The following MCFD2 variants were observed in gnomAD, a reference collection of about 807,000 sequenced individuals.
The protein encoded by MCFD2 is multiple coagulation factor deficiency protein 2.
A neutral mutation model predicts 12.8 loss-of-function variants in MCFD2; 11 were observed. The ratio of observed to expected loss-of-function variants is 0.86; its 90% CI spans 0.54 to 1.42. MCFD2 has a LOEUF of 1.42. Among genes scored for constraint, MCFD2 ranks in the 40% most tolerant of loss-of-function variants. The pLI is 0.00. For missense variants in MCFD2, 191 were observed against 178.6 expected (o/e 1.07, Z -0.40); for synonymous variants, 70 against 68.1 (o/e 1.03, Z -0.14).
At chr2:46,928,990 C>CT (rs1471708269) in intron 1 of MCFD2, among the ~76,000 whole-genome samples, 1 of 152,070 alleles carries the variant, frequency 6.6e-6, no homozygotes, top group Non-Finnish European at 1.5e-5. Flanking sequence ...TGGCAAAACT[C>CT]TGTCTCTACT....
At position 46,907,856 on chromosome 2, in the gene MCFD2, A is replaced by C. The variant is rs775513362; in HGVS notation, c.263T>G (p.Leu88Arg). The C allele has an allele frequency of 1.4e-5, 22 of 1,614,246 alleles. 1 individual carries two copies. Among genetic ancestry groups the C allele is most frequent in the Non-Finnish European group, 1.9e-5 (22 of 1,180,042 alleles). The change falls in exon 3 of 4, where the codon CTT (leucine) becomes CGT (arginine). Residue 88 changes from leucine to arginine, a missense_variant. By Grantham distance (102) the Leu-to-Arg change is moderately radical. Coordinates refer to ENST00000319466, the MANE Select transcript of MCFD2 (RefSeq NM_139279.6). The surrounding 1 kb of genome is among the most constrained non-coding windows in gnomAD (Gnocchi z 4.1). ...KMHDYDGNNLLDGLELSTAIT... is the reference protein window; with the variant it reads ...KMHDYDGNNLRDGLELSTAIT... ...GGCTGTGGAGAGTTCTAAGCCATCA[A>C]GCAAATTATTGCCATCATAATCATG... is the stretch of plus-strand genomic sequence containing the variant.
At chr2:46,933,242 G>C (rs1669804714) in intron 1 of MCFD2, among the ~76,000 whole-genome samples, 1 of 152,184 alleles carries the variant, frequency 6.6e-6, no homozygotes, top group South Asian at 2.1e-4. Flanking sequence ...AAGGGACTGG[G>C]ATGGTGGGAG....
chr2:46,937,678 T>C lies in MCFD2; in HGVS notation c.-8+3894A>G, dbSNP rs1483060691. Among the ~76,000 whole-genome samples, 1 of 152,204 alleles carries C rather than the reference T, an allele frequency of 6.6e-6. No individual in the cohort carries two copies. Among genetic ancestry groups the C allele is most frequent in the Non-Finnish European group, 1.5e-5 (1 of 68,046 alleles). Reference sequence around the variant, plus strand: ...GTCTTGAATTCCTGGACTCAAGTGATTCTCCCACCTCCTTCTCCCAAAGTG... The same window carrying C: ...GTCTTGAATTCCTGGACTCAAGTGACTCTCCCACCTCCTTCTCCCAAAGTG... On this transcript the variant is annotated intron_variant, in intron 1 of 2. Coordinates refer to the MCFD2 transcript ENST00000409147. This position sits in a 1 kb window ranked among gnomAD's most constrained non-coding sequence, Gnocchi z 4.0.
intron 3 of MCFD2, among the ~76,000 whole-genome samples, chr2:46,906,614 C>T (rs921969401): frequency 1.3e-5 from 2 of 151,542 alleles, no homozygotes; most frequent in Admixed American, 6.6e-5. Flanking sequence ...CCTCCCACCC[C>T]GTCACCCCAG....
chr2:46,936,134 T>C (rs898318823), intron 1 of MCFD2, among the ~76,000 whole-genome samples: 2 of 152,206 alleles, frequency 1.3e-5, no homozygotes, highest in Non-Finnish European at 2.9e-5. Flanking sequence ...TTTGCTTATT[T>C]AGCTTCCCAA....
At position 46,941,578 on chromosome 2, in the gene MCFD2, G is replaced by A; in HGVS notation, c.-14C>T. 6.4e-7 allele frequency: 1 copy of A among 1,557,734 alleles called. No homozygotes were observed. Among genetic ancestry groups the A allele is most frequent in the Admixed American group, 1.9e-5 (1 of 52,134 alleles). On this transcript the variant is annotated 5_prime_UTR_variant, in exon 1 of 3. Transcript: ENST00000409147. The surrounding 1 kb of genome is among the most constrained non-coding windows in gnomAD (Gnocchi z 4.2). Reference sequence around the variant, plus strand: ...GGGCGCGCACGGCTCCTACCTGAAGGTGGAGAGCGAGCTGGAGCGCTGCCG... The same window carrying A: ...GGGCGCGCACGGCTCCTACCTGAAGATGGAGAGCGAGCTGGAGCGCTGCCG...
At chr2:46,905,976 A>G (rs1156669606) in intron 3 of MCFD2, 1 of 473,902 alleles carries the variant, frequency 2.1e-6, no homozygotes, top group Non-Finnish European at 4.4e-6. Flanking sequence ...TCTGTGCACA[A>G]ATTTGCCTGA....
intron 1 of MCFD2, among the ~76,000 whole-genome samples, chr2:46,929,529 A>G (rs942111935): frequency 6.6e-6 from 1 of 152,184 alleles, no homozygotes; most frequent in Admixed American, 6.5e-5. Flanking sequence ...TCTAAATAAC[A>G]TGTAGGTCAA....
chr2:46,905,945 C>A, intron 3 of MCFD2: 1 of 478,266 alleles, frequency 2.1e-6, no homozygotes, highest in South Asian at 1.5e-5. Flanking sequence ...TGGAAAAGTG[C>A]CAGTCCTCCT....
chr2:46,905,880 C>A (rs983649478), intron 3 of MCFD2: 2 of 531,272 alleles, frequency 3.8e-6, no homozygotes, highest in Non-Finnish European at 3.7e-6. Context: ...TAAAAGAAGG[C>A]CCTTCAAAAT....
At chr2:46,912,442 A>T (rs1035605527) in intron 1 of MCFD2, 5 of 152,284 alleles carry the variant, frequency 3.3e-5, no homozygotes, top group Admixed American at 3.3e-4. Context: ...TGCCTAGGCC[A>T]TAGCAGAACA....
At chr2:46,923,487 A>G (rs7601491) in intron 1 of MCFD2, among the ~76,000 whole-genome samples, 43,118 of 152,140 alleles carry the variant, frequency 0.28, 8,505 homozygotes, top group African/African-American at 0.56. Context: ...ATATTTCACA[A>G]TATCACAGAA....
chr2:46,908,044 G>C lies in MCFD2; in HGVS notation c.150-75C>G. 6.4e-7 allele frequency: 1 copy of C among 1,550,448 alleles called. No individual in the cohort carries two copies. Among genetic ancestry groups the C allele is most frequent in the Non-Finnish European group, 8.8e-7 (1 of 1,131,180 alleles). On this transcript the variant is annotated intron_variant, in intron 2 of 3. Coordinates refer to ENST00000319466, the MANE Select transcript of MCFD2 (RefSeq NM_139279.6). This position sits in a 1 kb window ranked among gnomAD's most constrained non-coding sequence, Gnocchi z 4.5. ...GCTGAAATCTTAAGGACTCTGAAAA[G>C]TTCAAGATCTTAAACTTCCTCCAGC...
At chr2:46,915,866 A>G (rs1194798533), upstream of MCFD2, 2 of 942,500 alleles carry the variant, frequency 2.1e-6, no homozygotes, top group Middle Eastern at 5.6e-4. Context: ...CCGCCCGCCC[A>G]TTGGCGCCGC....
chr2:46,928,479 A>G (rs1053041235), intron 1 of MCFD2, among the ~76,000 whole-genome samples: 1 of 149,682 alleles, frequency 6.7e-6, no homozygotes, highest in Non-Finnish European at 1.5e-5. Flanking sequence ...AAAAAAAAAA[A>G]AAAAAACTTG....
At chr2:46,935,347 C>T (rs1669925654) in intron 1 of MCFD2, among the ~76,000 whole-genome samples, 1 of 152,050 alleles carries the variant, frequency 6.6e-6, no homozygotes, top group African/African-American at 2.4e-5. Flanking sequence ...TTGCCCAGTC[C>T]TAATCAAGTC....
At chr2:46,906,364 C>T (rs1487091944) in intron 3 of MCFD2, among the ~76,000 whole-genome samples, 2 of 152,154 alleles carry the variant, frequency 1.3e-5, no homozygotes, top group African/African-American at 4.8e-5. Flanking sequence ...ACCTCACCTG[C>T]ACTCCTAGCA....
intron 3 of MCFD2, chr2:46,906,048 C>T (rs973110684): frequency 2.1e-6 from 1 of 470,146 alleles, no homozygotes; most frequent in Non-Finnish European, 4.4e-6. Flanking sequence ...GAAGAAGGCA[C>T]TGCCGATGAG....
intron 1 of MCFD2, among the ~76,000 whole-genome samples, chr2:46,921,614 A>G (rs1301531149): frequency 6.6e-6 from 1 of 152,236 alleles, no homozygotes. Flanking sequence ...AATAGTCATT[A>G]AACTCTATCA....
Sources: gnomAD v4.1 joint callset for allele counts (sites outside exome capture counted in the v4.1 genomes callset) on GRCh38, gnomAD v4.1.1 for gene constraint, Gnocchi (gnomAD v3.1) non-coding constraint, MANE v1.5 for transcripts, NCBI Gene and HGNC (gene_info 2026-07-23, HGNC 2026-07-21) for gene names.